The following C9 variants were observed in gnomAD, a reference collection of about 807,000 sequenced individuals.
The protein encoded by C9 is complement C9, also known as complement component C9.
C9 carries 63 observed loss-of-function variants against 65.4 expected under a neutral mutation model. The ratio of observed to expected loss-of-function variants is 0.96; its 90% CI spans 0.79 to 1.19. The LOEUF (loss-of-function observed/expected upper bound fraction) is 1.19. Ranked by LOEUF, C9 falls within the 50% of genes most tolerant of loss-of-function variation. The probability of loss-of-function intolerance (pLI) is 0.00; values close to 1 mark genes in which losing one functional copy is unlikely to be tolerated. For synonymous variants in C9, 229 were observed against 227.9 expected (o/e 1.00, Z -0.04); for missense variants, 744 against 670.1 (o/e 1.11, Z -1.22).
chr5:39,304,967 TAAGACCTCTTC>T (rs1316116373), intron 9 of C9, among the ~76,000 whole-genome samples: 2 of 152,174 alleles, frequency 1.3e-5, no homozygotes, highest in Non-Finnish European at 2.9e-5. Flanking sequence ...GAACTATTAT[TAAGACCTCTTC>T]AGAGAACACT....
intron 5 of C9, among the ~76,000 whole-genome samples, chr5:39,330,853 G>A (rs959228460): frequency 1.3e-5 from 2 of 152,174 alleles, no homozygotes; most frequent in African/African-American, 2.4e-5. Context: ...TGTAGAGACT[G>A]ATTTATGATA....
At chr5:39,321,130 A>G (rs1753659710) in intron 5 of C9, among the ~76,000 whole-genome samples, 1 of 152,106 alleles carries the variant, frequency 6.6e-6, no homozygotes, top group Admixed American at 6.5e-5. Context: ...TCAAATTCAG[A>G]ATACTCTCAC....
chr5:39,298,792 G>A (rs748299822), intron 9 of C9, among the ~76,000 whole-genome samples: 1 of 151,760 alleles, frequency 6.6e-6, no homozygotes, highest in Non-Finnish European at 1.5e-5. Flanking sequence ...GTTAGGAGAA[G>A]AAAATTACAA....
intron 9 of C9, among the ~76,000 whole-genome samples, chr5:39,304,846 G>A (rs1441273378): frequency 4.6e-5 from 7 of 152,188 alleles, no homozygotes; most frequent in Admixed American, 4.6e-4. Flanking sequence ...CAGCAGGACT[G>A]CACCAACAAA....
intron 9 of C9, among the ~76,000 whole-genome samples, chr5:39,295,012 C>A (rs115315610): frequency 6.6e-6 from 1 of 151,776 alleles, no homozygotes; most frequent in Admixed American, 6.6e-5. Context: ...AATTTAACTT[C>A]TCTTTGTGAT....
At chr5:39,351,974 AG>A (rs1754332189) in intron 1 of C9, among the ~76,000 whole-genome samples, 1 of 152,196 alleles carries the variant, frequency 6.6e-6, no homozygotes. Flanking sequence ...GAACTACCTG[AG>A]ACTGGGTAAC....
chr5:39,339,129 A>G (rs182116303), intron 4 of C9, among the ~76,000 whole-genome samples: 22 of 152,324 alleles, frequency 1.4e-4, no homozygotes, highest in African/African-American at 5.1e-4. Flanking sequence ...GGACCATTTG[A>G]GCACACCATG....
intron 6 of C9, among the ~76,000 whole-genome samples, chr5:39,312,576 A>G (rs1215347906): frequency 2.0e-5 from 3 of 152,124 alleles, no homozygotes; most frequent in Non-Finnish European, 4.4e-5. Context: ...AAGCAACTCA[A>G]CAGTTAAATG....
intron 1 of C9, among the ~76,000 whole-genome samples, chr5:39,345,226 G>A (rs1171873508): frequency 1.3e-5 from 2 of 152,142 alleles, no homozygotes; most frequent in Non-Finnish European, 2.9e-5. Context: ...ACACAGACTG[G>A]CAAATTGGAT....
intron 1 of C9, among the ~76,000 whole-genome samples, chr5:39,357,329 G>C (rs983500067): frequency 1.3e-5 from 2 of 152,294 alleles, no homozygotes; most frequent in African/African-American, 4.8e-5. Flanking sequence ...CATGCAACTC[G>C]TCAAGATGAA....
rs770544574 is a variant in C9 at position 39,308,334 on chromosome 5, C to A, written c.1136G>T (p.Arg379Ile). The A allele has an allele frequency of 1.9e-6, 3 of 1,598,410 alleles. No individual in the cohort carries two copies. The highest frequency in any genetic ancestry group is 3.3e-5 in the Admixed American group (2 of 59,968). ...RKGVELKDIK[R>I]CLGYHLDVSL... is the part of the protein sequence containing the mutation. ...TACATCCAGATGATACCCAAGGCATCTCTTTATGTCTTTTAGTTCAACACC... is the reference window on the plus strand; with the variant it reads ...TACATCCAGATGATACCCAAGGCATATCTTTATGTCTTTTAGTTCAACACC... The change falls in exon 8 of 11, where the codon AGA becomes ATA. Residue 379 changes from arginine to isoleucine, a missense_variant. By Grantham distance (97) the Arg-to-Ile change is moderately conservative. Coordinates refer to ENST00000263408, the MANE Select transcript of C9 (RefSeq NM_001737.5).
intron 6 of C9, among the ~76,000 whole-genome samples, chr5:39,312,923 T>A (rs1196497112): frequency 6.6e-6 from 1 of 152,174 alleles, no homozygotes; most frequent in Admixed American, 6.5e-5. Context: ...AGCCTGTATG[T>A]TATAGGTCAT....
At chr5:39,322,519 A>G (rs1389257929) in intron 5 of C9, among the ~76,000 whole-genome samples, 1 of 152,110 alleles carries the variant, frequency 6.6e-6, no homozygotes, top group Non-Finnish European at 1.5e-5. Context: ...TAGGTAGTAG[A>G]AAAACAACAG....
At chr5:39,308,725 T>C (rs1274991639) in intron 7 of C9, among the ~76,000 whole-genome samples, 1 of 152,200 alleles carries the variant, frequency 6.6e-6, no homozygotes, top group Non-Finnish European at 1.5e-5. Flanking sequence ...GCATTTTGTG[T>C]GCTTTAACTA....
At chr5:39,341,833 G>T in intron 2 of C9, 133 bp from the exon 3 acceptor site, 1 of 880,752 alleles carries the variant, frequency 1.1e-6, no homozygotes. Context: ...AGAAGTCACT[G>T]ATGTTATTTA....
At chr5:39,318,591 G>T (rs1445172073) in intron 5 of C9, among the ~76,000 whole-genome samples, 1 of 151,070 alleles carries the variant, frequency 6.6e-6, no homozygotes, top group Non-Finnish European at 1.5e-5. Context: ...GCTATTGTCA[G>T]GTTGTTGTCA....
chr5:39,336,959 G>C (rs1325493686), intron 4 of C9, among the ~76,000 whole-genome samples: 1 of 151,826 alleles, frequency 6.6e-6, no homozygotes, highest in African/African-American at 2.4e-5. Flanking sequence ...CCAGTTGAGT[G>C]CTAACATTTG....
Position 39,331,825 on chromosome 5 carries a change from A to G in C9, c.477-11T>C. The G allele has an allele frequency of 6.2e-7, 1 of 1,612,458 alleles. No individual in the cohort carries two copies. The highest frequency in any genetic ancestry group is 8.5e-7 in the Non-Finnish European group (1 of 1,178,474). On this transcript the variant is annotated splice_polypyrimidine_tract_variant and intron_variant, in intron 4 of 10. Transcript: ENST00000263408. ...CCTAAAATGTTGATCCTGAGAATGA[A>G]CAGAGTAGTATCAGAAGTGGAAATA...
chr5:39,361,680 C>T (rs1414631599), intron 1 of C9, among the ~76,000 whole-genome samples: 1 of 152,192 alleles, frequency 6.6e-6, no homozygotes, highest in Non-Finnish European at 1.5e-5. Flanking sequence ...AGAAGCAACG[C>T]TCTGAGCTAC....
Sources: gnomAD v4.1 joint callset for allele counts (sites outside exome capture counted in the v4.1 genomes callset) on GRCh38, gnomAD v4.1.1 for gene constraint, MANE v1.5 for transcripts, NCBI Gene and HGNC (gene_info 2026-07-23, HGNC 2026-07-21) for gene names.